CD163L1: variants seen among roughly 807,000 people sequenced by gnomAD.
CD163L1 encodes CD163 molecule like 1.
In CD163L1, 124 loss-of-function variants were observed where a neutral mutation model predicts 165.4. The observed-to-expected ratio is 0.75, with a 90% CI of 0.65 to 0.87. The LOEUF is 0.87. Ranked by LOEUF, CD163L1 falls within the 40% of genes least tolerant of loss-of-function variation. The pLI is 0.00. For missense variants in CD163L1, 1,525 were observed against 1,799.9 expected (o/e 0.85, Z 2.76); for synonymous variants, 585 against 662.2 (o/e 0.88, Z 1.79).
intron 2 of CD163L1, among the ~76,000 whole-genome samples, chr12:7,440,210 G>A (rs980451400): frequency 3.3e-5 from 5 of 152,142 alleles, no homozygotes; most frequent in African/African-American, 9.6e-5. Context: ...CACTCGCGTC[G>A]GCCGCGGCCG....
chr12:7,403,623 C>G lies in CD163L1; in HGVS notation c.1320G>C (p.Gly440=). 1 of 1,614,026 alleles carries G rather than the reference C, an allele frequency of 6.2e-7. No homozygotes were observed. Among genetic ancestry groups the G allele is most frequent in the Non-Finnish European group, 8.5e-7 (1 of 1,179,960 alleles). ...TGCAGTCCCAGAGAGCTGACTCATT[C>G]CCAGTGCAAGATATGCTGTTTATCC... ...DIWINSISCT[G]NESALWDCTY... Residue 440 remains glycine, a synonymous_variant, in exon 6 of 20, where the codon GGG becomes GGC. Transcript: ENST00000313599.
At position 7,357,389 on chromosome 12, in the gene CD163L1, C is replaced by A; in HGVS notation, c.*15G>T. The A allele has an allele frequency of 6.2e-7, 1 of 1,609,552 alleles. No homozygotes were observed. Among genetic ancestry groups the A allele is most frequent in the Non-Finnish European group, 8.5e-7 (1 of 1,176,406 alleles). ...ATACTTCTCAACTTACCTGGTGAGC[C>A]CTGGAAGTCTAAAGTCATTTTGTGG... is the stretch of plus-strand genomic sequence containing the variant. On this transcript the variant is annotated 3_prime_UTR_variant, in exon 19 of 20. Coordinates refer to ENST00000313599, the MANE Select transcript of CD163L1 (RefSeq NM_174941.6).
At chr12:7,426,114 A>C (rs1948537475) in intron 4 of CD163L1, among the ~76,000 whole-genome samples, 2 of 152,232 alleles carry the variant, frequency 1.3e-5, no homozygotes, top group African/African-American at 4.8e-5. Context: ...TGCAGCCATA[A>C]AAAAGAATGA....
intron 9 of CD163L1, among the ~76,000 whole-genome samples, chr12:7,378,458 C>T (rs977644476): frequency 3.3e-5 from 5 of 152,174 alleles, no homozygotes; most frequent in Non-Finnish European, 7.4e-5. Context: ...ATAAAGTTCA[C>T]AATTCCTACT....
chr12:7,356,709 G>T (rs749721174), intron 19 of CD163L1, among the ~76,000 whole-genome samples: 41 of 152,140 alleles, frequency 2.7e-4, no homozygotes, highest in Admixed American at 1.1e-3. Flanking sequence ...CATCATATTT[G>T]GACCATCCAC....
intron 8 of CD163L1, among the ~76,000 whole-genome samples, chr12:7,379,736 G>C (rs745826280): frequency 6.6e-6 from 1 of 152,220 alleles, no homozygotes; most frequent in Admixed American, 6.5e-5. Context: ...ATAGGGCTGT[G>C]ATATTACCAA....
At chr12:7,425,836 C>T (rs940092579) in intron 4 of CD163L1, among the ~76,000 whole-genome samples, 15 of 150,214 alleles carry the variant, frequency 1.0e-4, no homozygotes, top group African/African-American at 3.4e-4. Context: ...CAGATGCTGG[C>T]GAGGATGTGG....
chr12:7,379,376 T>C (rs1320446396), intron 8 of CD163L1, 78 bp from the exon 9 acceptor site: 5 of 1,455,840 alleles, frequency 3.4e-6, no homozygotes, highest in South Asian at 1.3e-5. Context: ...TCCTGTACAC[T>C]AACATAGACC....
chr12:7,382,309 G>A (rs1947428157), intron 8 of CD163L1, among the ~76,000 whole-genome samples: 1 of 151,918 alleles, frequency 6.6e-6, no homozygotes. Context: ...ATAGCTCAAG[G>A]GGGAGGCTTC....
At chr12:7,416,801 T>G (rs1466312000) in intron 4 of CD163L1, among the ~76,000 whole-genome samples, 4 of 152,234 alleles carry the variant, frequency 2.6e-5, no homozygotes, top group African/African-American at 7.2e-5. Flanking sequence ...ATGAGTACCA[T>G]GCTGTTTCAG....
At chr12:7,444,075 C>T (rs756413681) in intron 1 of CD163L1, 22 bp downstream of exon 1, 97 of 1,613,060 alleles carry the variant, frequency 6.0e-5, no homozygotes, top group East Asian at 1.3e-4. Context: ...AATGGCAGAG[C>T]AAAATAAAAG....
At chr12:7,323,440 A>T in the CD163L1 span, 1 of 1,612,206 alleles carries the variant, frequency 6.2e-7, no homozygotes, top group Non-Finnish European at 8.5e-7. Flanking sequence ...AAGACCATCA[A>T]TTATTTCTTT....
chr12:7,320,003 G>A, the CD163L1 span, among the ~76,000 whole-genome samples: 7 of 152,166 alleles, frequency 4.6e-5, no homozygotes, highest in Non-Finnish European at 8.8e-5. Flanking sequence ...CTTACTTACC[G>A]ATCAAACATC....
At chr12:7,393,516 A>G (rs764882552) in intron 8 of CD163L1, among the ~76,000 whole-genome samples, 38 of 152,342 alleles carry the variant, frequency 2.5e-4, no homozygotes, top group African/African-American at 9.1e-4. Context: ...CTGGCACAAG[A>G]CAAGAATGCC....
intron 8 of CD163L1, among the ~76,000 whole-genome samples, chr12:7,393,976 G>A (rs1186890214): frequency 2.6e-5 from 4 of 151,988 alleles, no homozygotes; most frequent in East Asian, 1.9e-4. Context: ...AATCAATATC[G>A]TGAAAATGGC....
intron 4 of CD163L1, among the ~76,000 whole-genome samples, chr12:7,431,929 A>G (rs1948635708): frequency 6.6e-6 from 1 of 152,122 alleles, no homozygotes; most frequent in South Asian, 2.1e-4. Flanking sequence ...ATGTATCTAG[A>G]GCTCTTAGGA....
Position 7,403,100 on chromosome 12 carries a change from A to G in CD163L1, c.1408+435T>C, listed in dbSNP as rs141799424. Among the ~76,000 whole-genome samples, 737 of 152,300 alleles carry G rather than the reference A, an allele frequency of 4.8e-3. 4 individuals carry two copies. The highest frequency in any genetic ancestry group is 6.4e-3 in the Non-Finnish European group (436 of 68,026). On this transcript the variant is annotated intron_variant, in intron 6 of 19. Coordinates refer to ENST00000313599, the MANE Select transcript of CD163L1 (RefSeq NM_174941.6). ...ATACATCGTATCAACATATGCATAT[A>G]AATATATCTATATCAGCTATTTGGA...
At chr12:7,367,638 T>C (rs1947051410) in intron 17 of CD163L1, 1 of 229,872 alleles carries the variant, frequency 4.4e-6, no homozygotes, top group Non-Finnish European at 8.5e-6. Context: ...TATTATTATC[T>C]TTACAAATTA....
At chr12:7,327,128 G>A in the CD163L1 span, 1 of 1,563,896 alleles carries the variant, frequency 6.4e-7, no homozygotes, top group Non-Finnish European at 8.7e-7. Flanking sequence ...AAGTTTGGAT[G>A]TTACCAAACT....
Sources: allele counts gnomAD v4.1 joint callset (sites outside exome capture counted in the v4.1 genomes callset), GRCh38; gene constraint gnomAD v4.1.1; transcripts MANE v1.5; gene names NCBI Gene and HGNC (gene_info 2026-07-23, HGNC 2026-07-21).